Variants in PSMD5 observed in about 807,000 individuals in gnomAD.
PSMD5 encodes 26S proteasome non-ATPase regulatory subunit 5.
In PSMD5, 40 loss-of-function variants were observed where a neutral mutation model predicts 52.1. The observed-to-expected ratio is 0.77, with a 90% confidence interval of 0.60 to 1.00. The LOEUF is 1.00. Among genes scored for constraint, PSMD5 ranks in the 50% least tolerant of loss-of-function variants. PSMD5 has a pLI of 0.00. For synonymous variants in PSMD5, 211 were observed against 226.6 expected (o/e 0.93, Z 0.62); for missense variants, 575 against 605.2 (o/e 0.95, Z 0.52).
chr9:120,839,377 G>C (rs1341546409), intron 1 of PSMD5, among the ~76,000 whole-genome samples: 1 of 152,150 alleles, frequency 6.6e-6, no homozygotes, highest in Non-Finnish European at 1.5e-5. Flanking sequence ...GGGGTTACAA[G>C]GTGGGAAGGA....
chr9:120,829,227 C>A lies in PSMD5; in HGVS notation c.562-19G>T, dbSNP rs1465186244. 1.4e-5 allele frequency: 22 copies of A among 1,536,370 alleles called. No individual in the cohort carries two copies. The highest frequency in any genetic ancestry group is 2.1e-5 in the Admixed American group (1 of 48,708). Reference sequence around the variant, plus strand: ...TAATTAGCTGAAATAAAAAAAAAAACACAGAAAAAAGAAAAAGGTCAAATC... The same window carrying A: ...TAATTAGCTGAAATAAAAAAAAAAAAACAGAAAAAAGAAAAAGGTCAAATC... On this transcript the variant is annotated intron_variant, in intron 4 of 9. Coordinates refer to ENST00000210313, the MANE Select transcript of PSMD5 (RefSeq NM_005047.4).
At chr9:120,830,145 A>G (rs143229340) in intron 4 of PSMD5, among the ~76,000 whole-genome samples, 248 of 152,312 alleles carry the variant, frequency 1.6e-3, no homozygotes, top group African/African-American at 5.8e-3. Context: ...TGATGACCGA[A>G]TGGATATGTG....
chr9:120,820,737 A>T, intron 9 of PSMD5, 102 bp downstream of exon 9: 1 of 1,193,576 alleles, frequency 8.4e-7, no homozygotes, highest in South Asian at 2.0e-5. Flanking sequence ...TATACTATGC[A>T]CTTGTGCATC....
chr9:120,831,839 G>A lies in PSMD5; in HGVS notation c.425C>T (p.Ala142Val), dbSNP rs766680612. ...TGATTCTAGTAGACTCACCGCTTTTGCTACAGATAGATTCTCTCCACCAAT... is the reference window on the plus strand; with the variant it reads ...TGATTCTAGTAGACTCACCGCTTTTACTACAGATAGATTCTCTCCACCAAT... ...YCIGGENLSVAKAAIKSLSRI... is the reference protein window; with the variant it reads ...YCIGGENLSVVKAAIKSLSRI... The change falls in exon 3 of 10, where the codon GCA becomes GTA. Residue 142 changes from alanine to valine, a missense_variant. Transcript: ENST00000210313. 36 of 1,611,946 alleles carry A rather than the reference G, an allele frequency of 2.2e-5. No individual in the cohort carries two copies. Among genetic ancestry groups the A allele is most frequent in the Non-Finnish European group, 3.0e-5 (35 of 1,179,432 alleles).
chr9:120,839,979 G>A (rs973092688), intron 1 of PSMD5, among the ~76,000 whole-genome samples: 3 of 150,950 alleles, frequency 2.0e-5, no homozygotes, highest in African/African-American at 7.3e-5. Context: ...AAAATTAGCT[G>A]GGCGTTGTGG....
At chr9:120,819,423 C>G (rs2045067436) in intron 9 of PSMD5, among the ~76,000 whole-genome samples, 1 of 152,174 alleles carries the variant, frequency 6.6e-6, no homozygotes, top group South Asian at 2.1e-4. Flanking sequence ...ATGGAACCAG[C>G]TAAGCACAGG....
chr9:120,841,110 CCTA>C (rs916634714), intron 1 of PSMD5, among the ~76,000 whole-genome samples: 3 of 152,146 alleles, frequency 2.0e-5, no homozygotes, highest in Admixed American at 2.0e-4. Context: ...TAAAAGTTGT[CCTA>C]CTATTTTCAG....
chr9:120,828,975 C>T (rs991675656), intron 5 of PSMD5, 124 bp downstream of exon 5: 8 of 1,267,658 alleles, frequency 6.3e-6, no homozygotes, highest in Non-Finnish European at 8.1e-6. Flanking sequence ...TCCTTCAGGA[C>T]ACACATCAGT....
intron 8 of PSMD5, 58 bp downstream of exon 8, chr9:120,821,297 A>G: frequency 8.8e-7 from 1 of 1,136,860 alleles, no homozygotes. Context: ...GTTGATTCAT[A>G]CAGATTTATT....
rs143000829 is a variant in PSMD5 at position 120,826,904 on chromosome 9, G to T, written c.675C>A (p.Ala225=). Residue 225 remains alanine, a synonymous_variant, in exon 6 of 10, where the codon GCC becomes GCA. Transcript: ENST00000210313. ...ELTGEDVLVR[A]TCIEMVTSLA... is the part of the protein sequence containing the mutation. ...GTGATGTCACCATTTCTATACAGGT[G>T]GCTCTAAAATGTCAGAAGGACAAAA... The T allele has an allele frequency of 1.2e-6, 2 of 1,606,044 alleles. No homozygotes were observed. The highest frequency in any genetic ancestry group is 2.7e-5 in the African/African-American group (2 of 74,538).
chr9:120,822,147 G>A (rs994613050), intron 7 of PSMD5, among the ~76,000 whole-genome samples: 5 of 152,014 alleles, frequency 3.3e-5, no homozygotes, highest in African/African-American at 1.2e-4. Flanking sequence ...CATCCTAATG[G>A]ATATGAAGTG....
chr9:120,841,764 ATATGT>A (rs1461498660), intron 1 of PSMD5: 2 of 152,122 alleles, frequency 1.3e-5, no homozygotes, highest in Non-Finnish European at 2.9e-5. Context: ...GCCACACACG[ATATGT>A]TATATTCTTG....
chr9:120,830,282 G>C (rs1208341062), intron 4 of PSMD5, among the ~76,000 whole-genome samples: 2 of 152,144 alleles, frequency 1.3e-5, no homozygotes, highest in Non-Finnish European at 2.9e-5. Context: ...TCAGGAATTT[G>C]ATTTCAGCAT....
At chr9:120,831,501 G>A (rs2045159774) in intron 3 of PSMD5, 42 bp from the exon 4 acceptor site, 2 of 1,558,000 alleles carry the variant, frequency 1.3e-6, no homozygotes, top group Non-Finnish European at 1.7e-6. Context: ...CCAAAATGCA[G>A]GTTATTATCT....
intron 1 of PSMD5, among the ~76,000 whole-genome samples, chr9:120,834,758 G>C (rs1335384151): frequency 6.6e-6 from 1 of 152,196 alleles, no homozygotes; most frequent in Non-Finnish European, 1.5e-5. Context: ...GTAAAATGAC[G>C]AGATCTGACT....
At chr9:120,842,497 C>T (rs1281592724) in intron 1 of PSMD5, 3 of 569,808 alleles carry the variant, frequency 5.3e-6, no homozygotes, top group Non-Finnish European at 9.3e-6. Context: ...GAAGGCAGTG[C>T]CTCACTGCTC....
At position 120,817,140 on chromosome 9, in the gene PSMD5, T is replaced by G. The variant is rs1262456510; in HGVS notation, c.*766A>C. ...CTGAGTATAAGGAACATAATCTTAA[T>G]ATTCCATACTACTCATTTTTCAAAG... On this transcript the variant is annotated 3_prime_UTR_variant, in exon 10 of 10. Coordinates refer to ENST00000210313, the MANE Select transcript of PSMD5 (RefSeq NM_005047.4). 6.6e-6 allele frequency: 1 copy of G among 152,132 alleles called. No homozygotes were observed. 9.4% of individuals were successfully genotyped at this position (152,132 alleles called of 1,614,324 possible).
intron 1 of PSMD5, among the ~76,000 whole-genome samples, chr9:120,839,882 G>A (rs900704936): frequency 1.3e-4 from 19 of 146,218 alleles, no homozygotes; most frequent in African/African-American, 2.8e-4. Context: ...TTGGGAGGCC[G>A]AGGCAGGCAA....
chr9:120,841,910 G>A (rs2045241210), intron 1 of PSMD5: 1 of 152,122 alleles, frequency 6.6e-6, no homozygotes. Flanking sequence ...TAAACCAGGG[G>A]CCTTGAACAT....
Sources: gnomAD v4.1 joint callset for allele counts (sites outside exome capture counted in the v4.1 genomes callset) on GRCh38, gnomAD v4.1.1 for gene constraint, MANE v1.5 for transcripts, NCBI Gene and HGNC (gene_info 2026-07-23, HGNC 2026-07-21) for gene names.